The following FMNL2 variants were observed in gnomAD, a reference collection of about 807,000 sequenced individuals.
FMNL2 encodes the protein formin like 2.
Under a neutral mutation model 130.2 loss-of-function variants are expected in FMNL2, and 51 were observed. The observed-to-expected ratio is 0.39, with a 90% CI of 0.31 to 0.49. FMNL2 has a LOEUF of 0.49. FMNL2 is among the 20% of genes least tolerant of loss of function. FMNL2 has a pLI of 0.85. For synonymous variants in FMNL2, 465 were observed against 467.1 expected (o/e 1.00, Z 0.06); for missense variants, 977 against 1,316.2 (o/e 0.74, Z 3.99).
In FMNL2 at chr2:152,626,533, T is replaced by C. The variant is rs1681798169; in HGVS notation, c.1971T>C (p.Asn657=). The C allele has an allele frequency of 1.2e-6, 2 of 1,604,260 alleles. No individual in the cohort carries two copies. The highest frequency in any genetic ancestry group is 2.2e-5 in the East Asian group (1 of 44,730). The change falls in exon 17 of 26, where the codon AAT becomes AAC. Residue 657 remains asparagine (N), a synonymous_variant. Coordinates refer to ENST00000288670, the MANE Select transcript of FMNL2 (RefSeq NM_052905.4). ...ATTCCTCTCTATCTTAGGATTTAAA[T>C]GTGGATGAATTTGAGGAAATATTCA... ...IDDERILEDL[N]VDEFEEIFKT...
chr2:152,420,912 A>AC (rs1686875738), intron 1 of FMNL2, among the ~76,000 whole-genome samples: 1 of 152,186 alleles, frequency 6.6e-6, no homozygotes, highest in Non-Finnish European at 1.5e-5. Context: ...GAGTAGGAAG[A>AC]ACTGGGTTTC....
rs1018728528 is a variant in FMNL2 at position 152,631,886 on chromosome 2, C to T, written c.2551-122C>T. On this transcript the variant is annotated intron_variant, in intron 20 of 25. Coordinates refer to ENST00000288670, the MANE Select transcript of FMNL2 (RefSeq NM_052905.4). ...GAATCCTGACCCTCCTCTGGGAATG[C>T]TCCAGCCTGTTGGGCGACTGTTACT... 2.0e-5 allele frequency: 22 copies of T among 1,087,510 alleles called. 1 individual carries two copies. In the South Asian group the frequency reaches 3.9e-4, roughly 19 times the overall value. 67.4% of individuals were successfully genotyped at this position (1,087,510 alleles called of 1,614,324 possible).
At chr2:152,535,232 T>G (rs1456613363) in intron 2 of FMNL2, among the ~76,000 whole-genome samples, 1 of 152,200 alleles carries the variant, frequency 6.6e-6, no homozygotes, top group Non-Finnish European at 1.5e-5. Context: ...CCTCTTGAAG[T>G]TACTACCACA....
Position 152,605,052 on chromosome 2 carries a change from C to T in FMNL2, c.877-2287C>T, listed in dbSNP as rs149846808. On this transcript the variant is annotated intron_variant, in intron 9 of 25. Transcript: ENST00000288670. ...TGATGTCATAGTCTAGGGAGCTGGG[C>T]CTGTACTGCCTCACCCCCTTCAACA... 3.8e-3 allele frequency among the ~76,000 whole-genome samples: 582 copies of T among 151,942 alleles called. 3 individuals are homozygous for T. Among genetic ancestry groups the T allele is most frequent in the African/African-American group, 0.013 (556 of 41,420 alleles).
intron 1 of FMNL2, among the ~76,000 whole-genome samples, chr2:152,411,252 T>C (rs1686276710): frequency 6.6e-6 from 1 of 152,152 alleles, no homozygotes; most frequent in South Asian, 2.1e-4. Context: ...TAAATTATAC[T>C]CCCTAATAAA....
intron 1 of FMNL2, among the ~76,000 whole-genome samples, chr2:152,491,567 G>C (rs1691195411): frequency 2.0e-5 from 3 of 152,142 alleles, no homozygotes; most frequent in Admixed American, 2.0e-4. Flanking sequence ...CCCAAATTTT[G>C]CCTTTTTTGT....
intron 1 of FMNL2, among the ~76,000 whole-genome samples, chr2:152,363,420 C>CT (rs1188008155): frequency 2.6e-5 from 4 of 152,092 alleles, no homozygotes; most frequent in Admixed American, 2.6e-4. Context: ...TTGGAGTTTC[C>CT]TTTGGGGACT....
intron 6 of FMNL2, among the ~76,000 whole-genome samples, chr2:152,566,025 C>T (rs779911723): frequency 2.6e-5 from 4 of 152,166 alleles, no homozygotes; most frequent in Non-Finnish European, 5.9e-5. Flanking sequence ...AAACAGTCCT[C>T]CTGCTCAGCT....
intron 8 of FMNL2, among the ~76,000 whole-genome samples, chr2:152,580,341 G>C (rs1696715046): frequency 6.6e-6 from 1 of 152,164 alleles, no homozygotes; most frequent in Non-Finnish European, 1.5e-5. Flanking sequence ...TTCAGATTGA[G>C]TTTTATTTTC....
At chr2:152,578,663 T>A (rs1696610145) in intron 7 of FMNL2, 2 of 313,694 alleles carry the variant, frequency 6.4e-6, no homozygotes, top group Non-Finnish European at 5.9e-6. Context: ...CTCAGCCTCC[T>A]GAGTAGCTGG....
At chr2:152,567,430 TTTTC>T (rs1406374814) in intron 6 of FMNL2, among the ~76,000 whole-genome samples, 1 of 152,214 alleles carries the variant, frequency 6.6e-6, no homozygotes, top group Non-Finnish European at 1.5e-5. Flanking sequence ...TTGTTTACTT[TTTTC>T]TTTCTTTCCC....
chr2:152,632,472 T>C (rs1370275027), intron 21 of FMNL2, among the ~76,000 whole-genome samples: 1 of 152,252 alleles, frequency 6.6e-6, no homozygotes, highest in African/African-American at 2.4e-5. Flanking sequence ...ACAAACACTT[T>C]TAATTTGATT....
At chr2:152,499,836 T>C (rs1415283237) in intron 1 of FMNL2, among the ~76,000 whole-genome samples, 2 of 152,158 alleles carry the variant, frequency 1.3e-5, no homozygotes, top group Non-Finnish European at 2.9e-5. Context: ...TGAGTTCTTG[T>C]TTTTGTGATT....
intron 1 of FMNL2, among the ~76,000 whole-genome samples, chr2:152,392,710 G>C (rs1450378159): frequency 6.6e-6 from 1 of 152,060 alleles, no homozygotes; most frequent in Non-Finnish European, 1.5e-5. Flanking sequence ...CCATCACTTT[G>C]GCAACACCTA....
At chr2:152,448,681 A>T (rs1178665147) in intron 1 of FMNL2, among the ~76,000 whole-genome samples, 1 of 152,270 alleles carries the variant, frequency 6.6e-6, no homozygotes, top group Non-Finnish European at 1.5e-5. Flanking sequence ...ACTCCTATGC[A>T]TTAGGCTCTG....
intron 1 of FMNL2, among the ~76,000 whole-genome samples, chr2:152,404,456 T>G (rs1294426194): frequency 6.6e-6 from 1 of 152,240 alleles, no homozygotes; most frequent in African/African-American, 2.4e-5. Flanking sequence ...TAATGTCATT[T>G]TCTGTTTCTT....
Position 152,540,765 on chromosome 2 carries a change from G to A in FMNL2, c.202-1974G>A, listed in dbSNP as rs192827604. 2.4e-4 allele frequency among the ~76,000 whole-genome samples: 37 copies of A among 151,886 alleles called. No homozygotes were observed. In the East Asian group the frequency reaches 3.9e-3, roughly 16 times the overall value. ...TAGATGACGAGTTAGTGGGTGCAGC[G>A]CACCAGCATGGCACACGTATACATA... On this transcript the variant is annotated intron_variant, in intron 2 of 25. Coordinates refer to ENST00000288670, the MANE Select transcript of FMNL2 (RefSeq NM_052905.4).
At chr2:152,416,071 A>G (rs1686593063) in intron 1 of FMNL2, among the ~76,000 whole-genome samples, 1 of 152,134 alleles carries the variant, frequency 6.6e-6, no homozygotes, top group Non-Finnish European at 1.5e-5. Context: ...TCTGCCAAGC[A>G]TGGATGGAGG....
At chr2:152,509,763 T>TTTTTTTTTTA (rs1198654296) in intron 1 of FMNL2, among the ~76,000 whole-genome samples, 2 of 144,654 alleles carry the variant, frequency 1.4e-5, no homozygotes, top group Admixed American at 7.0e-5. Flanking sequence ...TTTTTTTTTT[T>TTTTTTTTTTA]GAGAGAGGGT....
Sources: gnomAD v4.1 joint callset for allele counts (sites outside exome capture counted in the v4.1 genomes callset) on GRCh38, gnomAD v4.1.1 for gene constraint, MANE v1.5 for transcripts, NCBI Gene and HGNC (gene_info 2026-07-23, HGNC 2026-07-21) for gene names.